Variants in JMJD7 observed in about 807,000 individuals in gnomAD.
JMJD7 encodes the protein jumonji domain containing 7.
In JMJD7, 41 loss-of-function variants were observed where a neutral mutation model predicts 41.1. That is an observed-to-expected ratio of 1.00 (90% CI 0.78 to 1.30). The LOEUF is 1.30. Among genes scored for constraint, JMJD7 ranks in the 50% most tolerant of loss-of-function variants. The probability of loss-of-function intolerance (pLI) is 0.00; values close to 1 mark genes in which losing one functional copy is unlikely to be tolerated. For synonymous variants in JMJD7, 202 were observed against 177.2 expected (o/e 1.14, Z -1.11); for missense variants, 480 against 420.7 (o/e 1.14, Z -1.23).
At chr15:41,833,414 A>ATATATATTTTTTT (rs1239528383) in intron 1 of JMJD7, among the ~76,000 whole-genome samples, 8 of 32,012 alleles carry the variant, frequency 2.5e-4, no homozygotes, top group African/African-American at 3.8e-4. Flanking sequence ...ATATATATAT[A>ATATATATTTTTTT]TTTTTTTTTT....
At chr15:41,834,112 G>A (rs968894124) in intron 1 of JMJD7, among the ~76,000 whole-genome samples, 2 of 152,202 alleles carry the variant, frequency 1.3e-5, no homozygotes, top group African/African-American at 4.8e-5. Flanking sequence ...TGGAGATGGT[G>A]ATGCTGTTCA....
intron 1 of JMJD7, 190 bp downstream of exon 1, chr15:41,828,378 T>G (rs2065172710): frequency 1.6e-6 from 1 of 631,792 alleles, no homozygotes; most frequent in Non-Finnish European, 2.4e-6. Context: ...GTGATTCTGT[T>G]CACGTTGTTC....
intron 1 of JMJD7, among the ~76,000 whole-genome samples, chr15:41,830,676 C>T (rs1024964295): frequency 1.3e-5 from 2 of 152,232 alleles, no homozygotes; most frequent in South Asian, 4.1e-4. Context: ...TTTGGGGACC[C>T]AGGAAGGCCC....
intron 1 of JMJD7, among the ~76,000 whole-genome samples, chr15:41,831,581 A>T (rs916789966): frequency 6.6e-6 from 1 of 152,152 alleles, no homozygotes; most frequent in Non-Finnish European, 1.5e-5. Context: ...CAGCAGAAAG[A>T]CACTCCAGTC....
At chr15:41,831,089 G>A (rs936924227) in intron 1 of JMJD7, among the ~76,000 whole-genome samples, 2 of 152,146 alleles carry the variant, frequency 1.3e-5, no homozygotes, top group Non-Finnish European at 2.9e-5. Flanking sequence ...TGCTTTTTCC[G>A]GCCCACCCAT....
intron 1 of JMJD7, chr15:41,832,627 G>GCACAC (rs1192295145): frequency 6.6e-6 from 1 of 152,232 alleles, no homozygotes; most frequent in African/African-American, 2.4e-5. Flanking sequence ...AAGCAAGCAG[G>GCACAC]CACACCAACT....
At chr15:41,831,929 AAAG>A (rs2065234997) in intron 1 of JMJD7, among the ~76,000 whole-genome samples, 1 of 152,202 alleles carries the variant, frequency 6.6e-6, no homozygotes, top group African/African-American at 2.4e-5. Context: ...GTCCAGAAGG[AAAG>A]AAGAACTGCG....
intron 1 of JMJD7, among the ~76,000 whole-genome samples, chr15:41,831,762 T>C (rs533232076): frequency 6.6e-6 from 1 of 152,148 alleles, no homozygotes; most frequent in Admixed American, 6.5e-5. Context: ...TATGGCTCAG[T>C]AAAGCTCCTC....
At chr15:41,835,851 T>C (rs1252826242) in intron 4 of JMJD7, among the ~76,000 whole-genome samples, 2 of 152,164 alleles carry the variant, frequency 1.3e-5, no homozygotes, top group African/African-American at 2.4e-5. Context: ...GGCGGGTGCA[T>C]TGTTTCTTCT....
At chr15:41,833,657 C>T (rs983032382) in intron 1 of JMJD7, among the ~76,000 whole-genome samples, 2 of 151,660 alleles carry the variant, frequency 1.3e-5, no homozygotes, top group Non-Finnish European at 2.9e-5. Flanking sequence ...CCGGCCTCAG[C>T]AATCCTCCTG....
intron 1 of JMJD7, among the ~76,000 whole-genome samples, chr15:41,829,971 A>G (rs1277699229): frequency 1.3e-5 from 2 of 152,204 alleles, no homozygotes; most frequent in East Asian, 3.9e-4. Context: ...AGTTTTGATG[A>G]CAGTGGCGGG....
In JMJD7 at chr15:41,834,599, C is replaced by A. The variant is rs1596113694; in HGVS notation, c.65-141C>A. On this transcript the variant is annotated intron_variant, in intron 1 of 7. Transcript: ENST00000397299. ...TTTTTCCGTCCTCATCTTTCTATTA[C>A]TGGTTGTCCAGGGTCCTTTGGTCAC... is the stretch of plus-strand genomic sequence containing the variant. The A allele has an allele frequency of 7.3e-6, 9 of 1,236,292 alleles. No homozygotes were observed. In the East Asian group the frequency reaches 1.9e-4, roughly 26 times the overall value. 76.6% of individuals were successfully genotyped at this position (1,236,292 alleles called of 1,614,324 possible). A position where few individuals can be genotyped will look rare whatever the true frequency, so the allele number is the denominator to read the frequency against.
chr15:41,834,973 C>T lies in JMJD7; in HGVS notation c.222C>T (p.Ala74=). ...GGCTGAGTGTCCATTCCTCTAGAGC[C>T]ACAGTGGGCTCCACAGAGGTGAGTG... The part of the protein sequence containing the change: ...LQKWSLPYFR[A]TVGSTEVSVA... The change falls in exon 3 of 8, where the codon GCC becomes GCT. Residue 74 remains alanine, a synonymous_variant. Coordinates refer to ENST00000397299, the MANE Select transcript of JMJD7 (RefSeq NM_001114632.2). 1 of 1,614,122 alleles carries T rather than the reference C, an allele frequency of 6.2e-7. No individual in the cohort carries two copies. The highest frequency in any genetic ancestry group is 1.3e-5 in the African/African-American group (1 of 75,058).
At chr15:41,836,061 G>C in intron 4 of JMJD7, 87 bp from the exon 5 acceptor site, 2 of 1,377,058 alleles carry the variant, frequency 1.5e-6, no homozygotes, top group Non-Finnish European at 2.0e-6. Context: ...GGACGTCTTG[G>C]GGTGCAGGGC....
At chr15:41,836,107 G>A (rs1157156364) in intron 4 of JMJD7, 41 bp from the exon 5 acceptor site, 38 of 1,545,332 alleles carry the variant, frequency 2.5e-5, no homozygotes, top group Non-Finnish European at 3.3e-5. Flanking sequence ...CCGTGCCCCT[G>A]CCCTCCATAC....
chr15:41,832,305 C>A lies in JMJD7; in HGVS notation c.65-2435C>A. On this transcript the variant is annotated intron_variant, in intron 1 of 7. Coordinates refer to ENST00000397299, the MANE Select transcript of JMJD7 (RefSeq NM_001114632.2). ...CAGGGCCGAGTGGGCCCAATGGGCCCGAGCAAAACAGGCAAAGGCATCACT... is the reference window on the plus strand; with the variant it reads ...CAGGGCCGAGTGGGCCCAATGGGCCAGAGCAAAACAGGCAAAGGCATCACT... 1.2e-5 allele frequency: 2 copies of A among 171,924 alleles called. 1 individual carries two copies. The highest frequency in any genetic ancestry group is 2.5e-5 in the Non-Finnish European group (2 of 81,188). 10.6% of individuals were successfully genotyped at this position (171,924 alleles called of 1,614,324 possible). A position where few individuals can be genotyped will look rare whatever the true frequency, so the allele number is the denominator to read the frequency against.
chr15:41,836,893 C>G lies in JMJD7; in HGVS notation c.815C>G (p.Pro272Arg). The change falls in exon 7 of 8, where the codon CCG becomes CGG. Residue 272 changes from proline (P) to arginine (R), a missense_variant. By Grantham distance (103) the Pro-to-Arg change is moderately radical. Transcript: ENST00000397299. ...CGGGCCGGTGAGATGCTCTATCTGC[C>G]GGCTCTGTGGTTCCACCACGTCCAG... ...TVRAGEMLYLPALWFHHVQQS... is the reference protein window; with the variant it reads ...TVRAGEMLYLRALWFHHVQQS... 6.2e-7 allele frequency: 1 copy of G among 1,613,518 alleles called. No individual in the cohort carries two copies. The highest frequency in any genetic ancestry group is 8.5e-7 in the Non-Finnish European group (1 of 1,179,812).
chr15:41,835,137 A>T lies in JMJD7; in HGVS notation c.386A>T (p.Gln129Leu). ...RAQHPGVLYVQKQCSNLPSEL... is the reference protein window; with the variant it reads ...RAQHPGVLYVLKQCSNLPSEL... ...CAGCACCCTGGAGTCCTCTATGTGCAGAAGCAGTGCTCCAACCTGCCCAGC... is the reference window on the plus strand; with the variant it reads ...CAGCACCCTGGAGTCCTCTATGTGCTGAAGCAGTGCTCCAACCTGCCCAGC... The change falls in exon 3 of 8, where the codon CAG (glutamine) becomes CTG (leucine). Residue 129 changes from glutamine to leucine, a missense_variant. Transcript: ENST00000397299. 6.2e-7 allele frequency: 1 copy of T among 1,609,464 alleles called. No individual in the cohort carries two copies.
intron 5 of JMJD7, 77 bp from the exon 6 acceptor site, chr15:41,836,398 C>T: frequency 6.4e-7 from 1 of 1,553,218 alleles, no homozygotes; most frequent in Non-Finnish European, 8.7e-7. Flanking sequence ...CTGCCCAGGG[C>T]TGGCTGGGGT....
Sources: allele counts gnomAD v4.1 joint callset (sites outside exome capture counted in the v4.1 genomes callset), GRCh38; gene constraint gnomAD v4.1.1; transcripts MANE v1.5; gene names NCBI Gene and HGNC (gene_info 2026-07-23, HGNC 2026-07-21).